SLC49A3: variants seen among roughly 807,000 people sequenced by gnomAD.
The protein encoded by SLC49A3 is solute carrier family 49 member 3.
A neutral mutation model predicts 43.8 loss-of-function variants in SLC49A3; 50 were observed. The observed-to-expected ratio is 1.14, with a 90% confidence interval of 0.91 to 1.45. The LOEUF is 1.45. SLC49A3 is among the 40% of genes most tolerant of loss of function. SLC49A3 has a pLI of 0.00. For synonymous variants in SLC49A3, 413 were observed against 352.0 expected (o/e 1.17, Z -1.94); for missense variants, 906 against 774.1 (o/e 1.17, Z -2.02).
rs755342610 is a variant in SLC49A3 at position 682,818 on chromosome 4, G to A, written c.1224C>T (p.Ser408=). 2 of 1,602,398 alleles carry A rather than the reference G, an allele frequency of 1.2e-6. No homozygotes were observed. The highest frequency in any genetic ancestry group is 1.7e-6 in the Non-Finnish European group (2 of 1,172,980). ...LTVRRSEPSL[S]TCQQGEDPLD... ...GTGGATCCTCCCCCTGCTGGCAGGT[G>A]GACAAGGACGGCTCCGAGCGTCGCA... The change falls in exon 9 of 10, where the codon TCC becomes TCT. Residue 408 remains serine (S), a synonymous_variant. Coordinates refer to ENST00000322224, the MANE Select transcript of SLC49A3 (RefSeq NM_032219.4).
downstream of SLC49A3, chr4:679,065 T>C (rs1400131441): frequency 6.3e-7 from 1 of 1,596,530 alleles, no homozygotes. Flanking sequence ...CTCAGAGCCC[T>C]TGGAGGAGGC....
At chr4:680,265 C>T (rs952949640), downstream of SLC49A3, among the ~76,000 whole-genome samples, 12 of 152,282 alleles carry the variant, frequency 7.9e-5, no homozygotes, top group African/African-American at 2.9e-4. Context: ...AGCACTCACC[C>T]CCAGCTCCAG....
downstream of SLC49A3, chr4:678,862 C>T: frequency 6.2e-7 from 1 of 1,608,826 alleles, no homozygotes; most frequent in Non-Finnish European, 8.5e-7. Context: ...GGAGTGGAAG[C>T]CTATCCTCAG....
In SLC49A3 at chr4:685,812, A is replaced by T. The variant is rs1740888023; in HGVS notation, c.585+23T>A. On this transcript the variant is annotated intron_variant, in intron 4 of 9. Coordinates refer to ENST00000322224, the MANE Select transcript of SLC49A3 (RefSeq NM_032219.4). The surrounding 1 kb of genome is among the most constrained non-coding windows in gnomAD (Gnocchi z 4.3). ...TGCGCACACACCACACAGACCAGGCACGGGCGTCTCATGACCCCTCACCAT... is the reference window on the plus strand; with the variant it reads ...TGCGCACACACCACACAGACCAGGCTCGGGCGTCTCATGACCCCTCACCAT... 1 of 1,613,076 alleles carries T rather than the reference A, an allele frequency of 6.2e-7. No homozygotes were observed. Among genetic ancestry groups the T allele is most frequent in the South Asian group, 1.1e-5 (1 of 91,058 alleles).
In SLC49A3 at chr4:686,708, G is replaced by C; in HGVS notation, c.136-18C>G. On this transcript the variant is annotated intron_variant, in intron 1 of 9. Coordinates refer to ENST00000322224, the MANE Select transcript of SLC49A3 (RefSeq NM_032219.4). ...AGCCACAGCTGCAGGGGTCAGGCGG[G>C]AGTCAGCGCAGGGCCACAGACCCCG... The C allele has an allele frequency of 6.2e-7, 1 of 1,609,216 alleles. No individual in the cohort carries two copies. Among genetic ancestry groups the C allele is most frequent in the East Asian group, 2.2e-5 (1 of 44,840 alleles).
chr4:681,112 C>T, downstream of SLC49A3: 3 of 1,606,686 alleles, frequency 1.9e-6, no homozygotes, highest in South Asian at 1.1e-5. Flanking sequence ...CTGCTGATGT[C>T]CCAGGCTGAC....
upstream of SLC49A3, chr4:689,548 C>T (rs1418730032): frequency 6.4e-6 from 1 of 156,540 alleles, no homozygotes; most frequent in Non-Finnish European, 1.4e-5. Flanking sequence ...CAGGGAGGGG[C>T]CAGAGGCCAG....
chr4:690,562 G>A (rs1741796843), upstream of SLC49A3, among the ~76,000 whole-genome samples: 2 of 152,246 alleles, frequency 1.3e-5, no homozygotes, highest in South Asian at 4.1e-4. Flanking sequence ...GGGAGTTGCA[G>A]TGCAGGCTTC....
upstream of SLC49A3, chr4:689,346 G>C (rs1018898108): frequency 7.1e-5 from 23 of 321,926 alleles, no homozygotes; most frequent in African/African-American, 3.9e-4. Flanking sequence ...GGTGAAGTTG[G>C]ACCCTCCTCC....
intron 1 of SLC49A3, among the ~76,000 whole-genome samples, chr4:688,664 G>A (rs1047015724): frequency 1.3e-5 from 2 of 152,114 alleles, no homozygotes; most frequent in Non-Finnish European, 2.9e-5. Flanking sequence ...GCTGGGAGGC[G>A]TGGAAGGAGA....
At chr4:678,636 A>G, downstream of SLC49A3, 1 of 1,591,084 alleles carries the variant, frequency 6.3e-7, no homozygotes, top group Non-Finnish European at 8.6e-7. Flanking sequence ...CAGGACCCTC[A>G]GCCATGGTGC....
downstream of SLC49A3, among the ~76,000 whole-genome samples, chr4:681,652 C>G (rs1443237147): frequency 3.4e-5 from 2 of 59,546 alleles, no homozygotes; most frequent in Non-Finnish European, 3.5e-5. Context: ...CCCGCCCCCT[C>G]CAGCGCCGCC....
Position 685,960 on chromosome 4 carries a change from A to C in SLC49A3, c.509-49T>G. ...GTCAGCTCGGCTGTGGCCTGGCTTC[A>C]TCGCCAGCCCACAGGCAGAACCTTC... On this transcript the variant is annotated intron_variant, in intron 3 of 9. Transcript: ENST00000322224. The surrounding 1 kb of genome is among the most constrained non-coding windows in gnomAD (Gnocchi z 4.3). The C allele has an allele frequency of 6.2e-7, 1 of 1,612,120 alleles. No homozygotes were observed. The highest frequency in any genetic ancestry group is 8.5e-7 in the Non-Finnish European group (1 of 1,179,148).
chr4:681,983 AAGG>A lies in SLC49A3; in HGVS notation c.1652_1654del (p.Ser551del), dbSNP rs766444297. 6.4e-6 allele frequency: 9 copies of A among 1,404,112 alleles called. No homozygotes were observed. The highest frequency in any genetic ancestry group is 1.9e-4 in the Middle Eastern group (1 of 5,256). 87.0% of individuals were successfully genotyped at this position (1,404,112 alleles called of 1,614,324 possible). A position where few individuals can be genotyped will look rare whatever the true frequency, so the allele number is the denominator to read the frequency against. On this transcript the variant is annotated inframe_deletion, in exon 10 of 10. Coordinates refer to ENST00000322224, the MANE Select transcript of SLC49A3 (RefSeq NM_032219.4). ...CTACGTGATCACCCACGGGGAGGAGAAGGAGGAGTGAGACCCAGCCGGGTCAAT... is the reference window on the plus strand; with the variant it reads ...CTACGTGATCACCCACGGGGAGGAGAAGGAGTGAGACCCAGCCGGGTCAAT...
rs1317676075 is a variant in SLC49A3, at chr4:685,935, G to T, written c.509-24C>A. ...CGCTGGGTGGGCGGATGCACAAAGTGTCAGCTCGGCTGTGGCCTGGCTTCA... is the reference window on the plus strand; with the variant it reads ...CGCTGGGTGGGCGGATGCACAAAGTTTCAGCTCGGCTGTGGCCTGGCTTCA... On this transcript the variant is annotated intron_variant, in intron 3 of 9. Transcript: ENST00000322224. This position sits in a 1 kb window ranked among gnomAD's most constrained non-coding sequence, Gnocchi z 4.3. The T allele has an allele frequency of 6.2e-7, 1 of 1,613,690 alleles. No homozygotes were observed. Among genetic ancestry groups the T allele is most frequent in the Non-Finnish European group, 8.5e-7 (1 of 1,179,958 alleles).
chr4:690,084 A>G (rs1254685509), upstream of SLC49A3, among the ~76,000 whole-genome samples: 8 of 152,180 alleles, frequency 5.3e-5, no homozygotes, highest in Non-Finnish European at 1.5e-5. Flanking sequence ...TTAAACATTC[A>G]TCTCCTTTGC....
At chr4:678,142 G>C (rs549105493), downstream of SLC49A3, 22 of 1,554,792 alleles carry the variant, frequency 1.4e-5, 1 homozygote, top group South Asian at 2.3e-4. Context: ...TGTGAATGCA[G>C]GTGTGGGCGT....
chr4:676,866 C>T, downstream of SLC49A3: 1 of 985,280 alleles, frequency 1.0e-6, no homozygotes, highest in Non-Finnish European at 1.2e-6. Flanking sequence ...GTCATGCCTC[C>T]AGGGTCCTCA....
Position 686,545 on chromosome 4 carries a change from C to A in SLC49A3, c.281G>T (p.Gly94Val). Reference sequence around the variant, plus strand: ...GGTCTGACTCACCGCCGCACGGAGCCCGACGGAGTCCAGGATCCAGATGGC... The same window carrying A: ...GGTCTGACTCACCGCCGCACGGAGCACGACGGAGTCCAGGATCCAGATGGC... The part of the protein sequence containing the change: ...VAAIWILDSV[G>V]LRAATILGAW... Residue 94 changes from glycine (G) to valine (V), a missense_variant, in exon 2 of 10, where the codon GGG becomes GTG. Physicochemically the swap from Gly to Val is moderately radical, Grantham distance 109. Transcript: ENST00000322224. 3 of 1,612,652 alleles carry A rather than the reference C, an allele frequency of 1.9e-6. No individual in the cohort carries two copies. Among genetic ancestry groups the A allele is most frequent in the Non-Finnish European group, 2.5e-6 (3 of 1,179,822 alleles).
Sources: allele counts gnomAD v4.1 joint callset (sites outside exome capture counted in the v4.1 genomes callset), GRCh38; gene constraint gnomAD v4.1.1; non-coding constraint Gnocchi (gnomAD v3.1); transcripts MANE v1.5; gene names NCBI Gene and HGNC (gene_info 2026-07-23, HGNC 2026-07-21).